PCDHAC1: variants seen among roughly 807,000 people sequenced by gnomAD.
PCDHAC1 encodes protocadherin alpha subfamily C, 1.
Under a neutral mutation model 60.0 loss-of-function variants are expected in PCDHAC1, and 42 were observed. The ratio of observed to expected loss-of-function variants is 0.70; its 90% CI spans 0.55 to 0.90. PCDHAC1 has a LOEUF of 0.90. Ranked by LOEUF, PCDHAC1 falls within the 40% of genes least tolerant of loss-of-function variation. The probability of loss-of-function intolerance (pLI) is 0.00; values close to 1 mark genes in which losing one functional copy is unlikely to be tolerated. For missense variants in PCDHAC1, 1,160 were observed against 1,222.3 expected (o/e 0.95, Z 0.76); for synonymous variants, 468 against 499.3 (o/e 0.94, Z 0.84).
chr5:140,972,152 A>AT (rs1203762947), intron 1 of PCDHAC1, among the ~76,000 whole-genome samples: 3 of 151,770 alleles, frequency 2.0e-5, no homozygotes, highest in East Asian at 3.9e-4. Context: ...TTTTATTTTT[A>AT]TTTTTTTGAG....
intron 1 of PCDHAC1, chr5:140,969,021 C>T (rs2096289420): frequency 8.1e-6 from 13 of 1,614,146 alleles, no homozygotes; most frequent in Non-Finnish European, 1.1e-5. Context: ...AGGGAAAGGT[C>T]CCCTGCAGAA....
chr5:140,984,599 C>T (rs1415361733), intron 3 of PCDHAC1, among the ~76,000 whole-genome samples: 1 of 152,162 alleles, frequency 6.6e-6, no homozygotes, highest in Non-Finnish European at 1.5e-5. Context: ...TCAATACATA[C>T]CTCTGCATCA....
At chr5:140,967,915 T>C in intron 1 of PCDHAC1, 1 of 1,614,148 alleles carries the variant, frequency 6.2e-7, no homozygotes, top group Non-Finnish European at 8.5e-7. Context: ...CCAACACCAT[T>C]GTGGCCGTTC....
intron 1 of PCDHAC1, among the ~76,000 whole-genome samples, chr5:140,934,564 A>T (rs2089922231): frequency 6.6e-6 from 1 of 152,076 alleles, no homozygotes; most frequent in African/African-American, 2.4e-5. Flanking sequence ...TCTTTTTTTT[A>T]ATTAATTGTA....
At chr5:140,970,156 T>G (rs933887683) in intron 1 of PCDHAC1, among the ~76,000 whole-genome samples, 1 of 152,188 alleles carries the variant, frequency 6.6e-6, no homozygotes, top group Non-Finnish European at 1.5e-5. Flanking sequence ...CTCCCAATAG[T>G]CACCTTTCTT....
At chr5:140,970,562 A>G (rs1406680335) in intron 1 of PCDHAC1, among the ~76,000 whole-genome samples, 1 of 152,156 alleles carries the variant, frequency 6.6e-6, no homozygotes, top group African/African-American at 2.4e-5. Flanking sequence ...TCGTCTCCAT[A>G]TGTATGCTTG....
At chr5:140,957,641 T>G (rs1554223056) in intron 1 of PCDHAC1, among the ~76,000 whole-genome samples, 1 of 152,110 alleles carries the variant, frequency 6.6e-6, no homozygotes, top group African/African-American at 2.4e-5. Flanking sequence ...AGAAATGCAC[T>G]TAAATATTCA....
chr5:141,004,500 T>C (rs1481568200), intron 3 of PCDHAC1, among the ~76,000 whole-genome samples: 1 of 152,242 alleles, frequency 6.6e-6, no homozygotes, highest in Non-Finnish European at 1.5e-5. Context: ...GCAGTCCTGC[T>C]GTGAGGGGCT....
At chr5:140,970,862 T>C (rs2153787404) in intron 1 of PCDHAC1, among the ~76,000 whole-genome samples, 1 of 152,312 alleles carries the variant, frequency 6.6e-6, no homozygotes, top group South Asian at 2.1e-4. Flanking sequence ...GTTCCATTCC[T>C]GATTGAGAGT....
intron 1 of PCDHAC1, 127 bp downstream of exon 1, chr5:140,929,452 T>C: frequency 1.5e-6 from 2 of 1,366,592 alleles, no homozygotes; most frequent in Non-Finnish European, 2.0e-6. Context: ...TTCTTAGCAC[T>C]TCCTGTGCCA....
chr5:140,949,537 C>A (rs1359504503), intron 1 of PCDHAC1, among the ~76,000 whole-genome samples: 1 of 151,692 alleles, frequency 6.6e-6, no homozygotes, highest in African/African-American at 2.4e-5. Flanking sequence ...CATAAAATAT[C>A]GATTTGTTGC....
intron 1 of PCDHAC1, among the ~76,000 whole-genome samples, chr5:140,961,969 C>T (rs188846719): frequency 1.5e-4 from 23 of 151,904 alleles, no homozygotes; most frequent in African/African-American, 5.1e-4. Flanking sequence ...CTGCAACCTC[C>T]GCCTCCTGGG....
intron 3 of PCDHAC1, among the ~76,000 whole-genome samples, chr5:140,984,674 G>A (rs2097114009): frequency 6.6e-6 from 1 of 152,090 alleles, no homozygotes; most frequent in Non-Finnish European, 1.5e-5. Context: ...AGGTTTTTAG[G>A]ACTCAATATA....
chr5:140,951,413 C>T (rs1206149734), intron 1 of PCDHAC1, among the ~76,000 whole-genome samples: 1 of 152,028 alleles, frequency 6.6e-6, no homozygotes, highest in African/African-American at 2.4e-5. Context: ...GTTTAATTGG[C>T]TCACAGTTCC....
intron 1 of PCDHAC1, among the ~76,000 whole-genome samples, chr5:140,951,082 C>CT (rs573059224): frequency 1.2e-3 from 178 of 151,520 alleles, no homozygotes; most frequent in African/African-American, 4.1e-3. Context: ...TTATATTTTC[C>CT]TTTTTTTCTG....
intron 1 of PCDHAC1, among the ~76,000 whole-genome samples, chr5:140,931,650 T>C (rs2087656696): frequency 6.6e-6 from 1 of 152,016 alleles, no homozygotes; most frequent in South Asian, 2.1e-4. Flanking sequence ...CTAATAATTG[T>C]TGTGGGCTGG....
In PCDHAC1 at chr5:140,978,986, C is replaced by T. The variant is rs138901709; in HGVS notation, c.2471C>T (p.Ser824Phe). The change falls in exon 2 of 4, where the codon TCC (serine) becomes TTC (phenylalanine). Residue 824 changes from serine (S) to phenylalanine (F), a missense_variant. Physicochemically the swap from Ser to Phe is radical, Grantham distance 155. Transcript: ENST00000253807. ...AACCCTGACTGGCGTTACTCTGCCT[C>T]CCTGAGAGCAGGCATGCACAGGTAT... Reference protein sequence around the residue: ...QPNPDWRYSASLRAGMHSSVH... With the variant: ...QPNPDWRYSAFLRAGMHSSVH... 56 of 1,614,072 alleles carry T rather than the reference C, an allele frequency of 3.5e-5. No individual in the cohort carries two copies. The highest frequency in any genetic ancestry group is 4.5e-5 in the Non-Finnish European group (53 of 1,180,028).
chr5:141,010,525 C>A lies in PCDHAC1; in HGVS notation c.*588C>A. On this transcript the variant is annotated 3_prime_UTR_variant, in exon 4 of 4. Coordinates refer to ENST00000253807, the MANE Select transcript of PCDHAC1 (RefSeq NM_018898.5). ...CTAAATCTTACAACTCAAGAGGTGG[C>A]AGCCACCCTCTAGGAGACAAAACTA... 1 of 436,454 alleles carries A rather than the reference C, an allele frequency of 2.3e-6. No homozygotes were observed. The highest frequency in any genetic ancestry group is 3.9e-6 in the Non-Finnish European group (1 of 256,874). 27.0% of individuals were successfully genotyped at this position (436,454 alleles called of 1,614,324 possible).
chr5:140,962,920 T>C (rs2095718930), intron 1 of PCDHAC1, among the ~76,000 whole-genome samples: 1 of 152,186 alleles, frequency 6.6e-6, no homozygotes, highest in South Asian at 2.1e-4. Context: ...ATTTGACAGA[T>C]ACTTCTCAAC....
Sources: gnomAD v4.1 joint callset for allele counts (sites outside exome capture counted in the v4.1 genomes callset) on GRCh38, gnomAD v4.1.1 for gene constraint, MANE v1.5 for transcripts, NCBI Gene and HGNC (gene_info 2026-07-23, HGNC 2026-07-21) for gene names.